Variants in SMYD4 observed in about 807,000 individuals in gnomAD.
SMYD4 encodes the protein protein-lysine N-methyltransferase SMYD4.
In SMYD4, 68 loss-of-function variants were observed where a neutral mutation model predicts 72.8. That is an observed-to-expected ratio of 0.93 (90% CI 0.77 to 1.14). The LOEUF (loss-of-function observed/expected upper bound fraction) is 1.14. Among genes scored for constraint, SMYD4 ranks in the 50% most tolerant of loss-of-function variants. The pLI, the probability that SMYD4 is intolerant of heterozygous loss-of-function variation, is 0.00. For missense variants in SMYD4, 984 were observed against 1,003.7 expected (o/e 0.98, Z 0.27); for synonymous variants, 407 against 388.6 (o/e 1.05, Z -0.56).
At chr17:1,789,311 CAGG>C (rs1273591772) in intron 5 of SMYD4, among the ~76,000 whole-genome samples, 1 of 152,088 alleles carries the variant, frequency 6.6e-6, no homozygotes, top group Non-Finnish European at 1.5e-5. Flanking sequence ...TGCTTGAATC[CAGG>C]AGGAGGAGGT....
chr17:1,821,234 G>C (rs1183587408), intron 2 of SMYD4, among the ~76,000 whole-genome samples: 1 of 152,154 alleles, frequency 6.6e-6, no homozygotes, highest in East Asian at 1.9e-4. Flanking sequence ...CAAAGTATAG[G>C]CCGGGCAAGG....
intron 5 of SMYD4, among the ~76,000 whole-genome samples, chr17:1,797,516 G>C (rs948997721): frequency 2.6e-5 from 4 of 152,194 alleles, no homozygotes; most frequent in African/African-American, 9.6e-5. Context: ...AGGAAAGCAG[G>C]CTGAGCCAGC....
chr17:1,799,908 T>C lies in SMYD4; in HGVS notation c.1486A>G (p.Met496Val), dbSNP rs749251043. The C allele has an allele frequency of 5.0e-6, 8 of 1,613,442 alleles. No homozygotes were observed. Among genetic ancestry groups the C allele is most frequent in the Non-Finnish European group, 5.9e-6 (7 of 1,179,552 alleles). ...TIWGVAMLRHMLQLQCNAQAM... is the reference protein window; with the variant it reads ...TIWGVAMLRHVLQLQCNAQAM... ...TGAGCGTTACACTGAAGCTGTAACA[T>C]GTGTCTCAGCATCGCCACTCCCCAA... Residue 496 changes from methionine to valine, a missense_variant, in exon 5 of 11, where the codon ATG becomes GTG. By Grantham distance (21) the Met-to-Val change is conservative (BLOSUM62 1). Coordinates refer to ENST00000305513, the MANE Select transcript of SMYD4 (RefSeq NM_052928.3).
intron 5 of SMYD4, among the ~76,000 whole-genome samples, chr17:1,795,263 T>TTG (rs1275843682): frequency 6.6e-6 from 1 of 152,032 alleles, no homozygotes; most frequent in Non-Finnish European, 1.5e-5. Flanking sequence ...TGCCTCAGCC[T>TTG]TCTGTCTGTC....
At chr17:1,823,646 A>G (rs1004879448) in intron 2 of SMYD4, among the ~76,000 whole-genome samples, 5 of 152,174 alleles carry the variant, frequency 3.3e-5, no homozygotes, top group African/African-American at 4.8e-5. Context: ...GAAGAAGGGT[A>G]GACCCCATTT....
intron 2 of SMYD4, among the ~76,000 whole-genome samples, chr17:1,814,002 AAAG>A (rs1387835795): frequency 1.3e-5 from 2 of 152,180 alleles, no homozygotes; most frequent in Admixed American, 1.3e-4. Context: ...CTCTTGAATC[AAAG>A]AAGAAATCAC....
At chr17:1,808,740 A>G (rs1185052385) in intron 3 of SMYD4, among the ~76,000 whole-genome samples, 2 of 152,172 alleles carry the variant, frequency 1.3e-5, no homozygotes, top group Non-Finnish European at 2.9e-5. Flanking sequence ...AGAACTTCCC[A>G]TGTGATCACA....
In SMYD4 at chr17:1,829,729, T is replaced by G; in HGVS notation, c.-16A>C. 5.6e-6 allele frequency: 1 copy of G among 178,670 alleles called. No individual in the cohort carries two copies. The allele number at this position is 178,670 out of a possible 1,614,324, so 11.1% of individuals were successfully genotyped here. On this transcript the variant is annotated 5_prime_UTR_variant, in exon 1 of 11. Coordinates refer to ENST00000305513, the MANE Select transcript of SMYD4 (RefSeq NM_052928.3). ...TAACCTCCTCTGGGATACCAACCCG[T>G]GCACTCGCCAGAGACCGAGGCGAGA...
At position 1,804,698 on chromosome 17, in the gene SMYD4, C is replaced by T. The variant is rs1273928320; in HGVS notation, c.297G>A (p.Arg99=). The change falls in exon 4 of 11, where the codon AGG becomes AGA. Residue 99 remains arginine (R), a synonymous_variant. Transcript: ENST00000305513. ...VLYSKGVSHS[R]PNTEDMSLCH... ...ACAGTGACATGTCCTCAGTGTTAGG[C>T]CTTGAATGTGACACTCCCTGCAAAA... 1.2e-6 allele frequency: 2 copies of T among 1,613,338 alleles called. No homozygotes were observed. Among genetic ancestry groups the T allele is most frequent in the Non-Finnish European group, 1.7e-6 (2 of 1,179,542 alleles).
In SMYD4 at chr17:1,800,507, C is replaced by T; in HGVS notation, c.887G>A (p.Cys296Tyr). 1 of 1,614,168 alleles carries T rather than the reference C, an allele frequency of 6.2e-7. No homozygotes were observed. The highest frequency in any genetic ancestry group is 8.5e-7 in the Non-Finnish European group (1 of 1,180,036). ...DTRVTNGDLY[C>Y]HRCLKHTLAT... ...CAAAGTGTGCTTCAAACATCGGTGA[C>T]AATAGAGGTCCCCATTGGTGACTCT... The change falls in exon 5 of 11, where the codon TGT becomes TAT. Residue 296 changes from cysteine to tyrosine, a missense_variant. Cys to Tyr is a radical substitution (Grantham distance 194, BLOSUM62 -2). Transcript: ENST00000305513.
At chr17:1,795,290 C>CT (rs1195453685) in intron 5 of SMYD4, among the ~76,000 whole-genome samples, 1 of 151,908 alleles carries the variant, frequency 6.6e-6, no homozygotes. Context: ...GTCTGTCTAT[C>CT]TGAGAGAGAC....
At chr17:1,806,448 G>T (rs573278784) in intron 3 of SMYD4, among the ~76,000 whole-genome samples, 2 of 152,106 alleles carry the variant, frequency 1.3e-5, no homozygotes, top group Non-Finnish European at 2.9e-5. Flanking sequence ...ACTTTGTCAA[G>T]ATTTCCTACA....
chr17:1,818,468 C>T (rs989864965), intron 2 of SMYD4, among the ~76,000 whole-genome samples: 1 of 152,102 alleles, frequency 6.6e-6, no homozygotes, highest in East Asian at 1.9e-4. Context: ...TCCTATATTA[C>T]TATAATATCA....
Position 1,783,447 on chromosome 17 carries a change from G to C in SMYD4, c.2050C>G (p.Gln684Glu), listed in dbSNP as rs1327239157. ...CACAGGAAGCTCTCGGCGTCACGCT[G>C]GCACCCCGACAGCCGCTGAACAGCT... ...ERAVQRLSGC[Q>E]RDAESFLWAE... The change falls in exon 9 of 11, where the codon CAG (glutamine) becomes GAG (glutamate). Residue 684 changes from glutamine to glutamate, a missense_variant. By Grantham distance (29) the Gln-to-Glu change is conservative. Transcript: ENST00000305513. 6.2e-7 allele frequency: 1 copy of C among 1,611,494 alleles called. No homozygotes were observed.
In SMYD4 at chr17:1,783,059, T is replaced by C; in HGVS notation, c.2237A>G (p.Lys746Arg). 1 of 1,614,126 alleles carries C rather than the reference T, an allele frequency of 6.2e-7. No homozygotes were observed. The highest frequency in any genetic ancestry group is 1.1e-5 in the South Asian group (1 of 91,080). The change falls in exon 10 of 11, where the codon AAA becomes AGA. Residue 746 changes from lysine (K) to arginine (R), a missense_variant. Coordinates refer to ENST00000305513, the MANE Select transcript of SMYD4 (RefSeq NM_052928.3). ...SSVEMGHELF[K>R]LAQIFFNGFA... ...CCCGTTGAAAAAGATCTGGGCCAAT[T>C]TGAAGAGCTCATGGCCCATTTCAAC...
At chr17:1,782,072 G>A (rs1908394990) in intron 10 of SMYD4, 1 of 152,200 alleles carries the variant, frequency 6.6e-6, no homozygotes, top group Non-Finnish European at 1.5e-5. Context: ...GTTCCACCCG[G>A]AAATCCTGAA....
At chr17:1,825,513 T>C (rs1279095747) in intron 2 of SMYD4, among the ~76,000 whole-genome samples, 1 of 14,658 alleles carries the variant, frequency 6.8e-5, no homozygotes, top group African/African-American at 2.5e-4. Context: ...TTTTCTTTCT[T>C]TTTTTTTTTT....
intron 4 of SMYD4, 45 bp downstream of exon 4, chr17:1,804,581 G>A: frequency 6.5e-7 from 1 of 1,548,346 alleles, no homozygotes; most frequent in African/African-American, 1.4e-5. Context: ...CCAGTAAGAA[G>A]CCCTCCGGAT....
intron 2 of SMYD4, among the ~76,000 whole-genome samples, chr17:1,819,856 T>C (rs1263847112): frequency 6.6e-6 from 1 of 152,150 alleles, no homozygotes; most frequent in Non-Finnish European, 1.5e-5. Flanking sequence ...GGCACGATCC[T>C]GGTTCACTGC....
Sources: gnomAD v4.1 joint callset for allele counts (sites outside exome capture counted in the v4.1 genomes callset) on GRCh38, gnomAD v4.1.1 for gene constraint, MANE v1.5 for transcripts, NCBI Gene and HGNC (gene_info 2026-07-23, HGNC 2026-07-21) for gene names.